Variants in TTC34 observed in about 807,000 individuals in gnomAD.
TTC34 encodes tetratricopeptide repeat protein 34.
In TTC34, 44 loss-of-function variants were observed where a neutral mutation model predicts 40.7. The observed-to-expected ratio is 1.08, with a 90% confidence interval of 0.85 to 1.39. The LOEUF (loss-of-function observed/expected upper bound fraction) is 1.39. Among genes scored for constraint, TTC34 ranks in the 40% most tolerant of loss-of-function variants. TTC34 has a pLI of 0.00. For synonymous variants in TTC34, 422 were observed against 398.6 expected (o/e 1.06, Z -0.70); for missense variants, 884 against 838.0 (o/e 1.05, Z -0.68).
chr1:2,651,650 C>G (rs2100212460), intron 6 of TTC34, among the ~76,000 whole-genome samples: 1 of 151,146 alleles, frequency 6.6e-6, no homozygotes, highest in East Asian at 2.0e-4. Context: ...ACCAGGAGGG[C>G]ATCTGACAGC....
intron 6 of TTC34, among the ~76,000 whole-genome samples, chr1:2,666,086 AC>A (rs1639641794): frequency 8.3e-5 from 8 of 96,516 alleles, no homozygotes; most frequent in Admixed American, 6.1e-4. Flanking sequence ...AACAGCACCC[AC>A]ACGCCCAGGT....
chr1:2,672,674 ACC>A (rs1639743506), intron 6 of TTC34, among the ~76,000 whole-genome samples: 1 of 7,296 alleles, frequency 1.4e-4, no homozygotes, highest in African/African-American at 4.9e-4. Flanking sequence ...GTGCCCACAC[ACC>A]CAGGCGAGCA....
intron 6 of TTC34, among the ~76,000 whole-genome samples, chr1:2,687,437 C>A (rs1433864424): frequency 6.8e-6 from 1 of 148,098 alleles, no homozygotes; most frequent in African/African-American, 2.6e-5. Context: ...TCTGGAGCAG[C>A]ACCCACAACC....
chr1:2,764,250 C>T (rs1279532174), intron 6 of TTC34, among the ~76,000 whole-genome samples: 16 of 150,452 alleles, frequency 1.1e-4, no homozygotes, highest in Non-Finnish European at 1.8e-4. Flanking sequence ...CAGCCTGGAG[C>T]AGCACGCACA....
At chr1:2,751,387 G>A (rs2100431122) in intron 6 of TTC34, among the ~76,000 whole-genome samples, 1 of 145,348 alleles carries the variant, frequency 6.9e-6, no homozygotes, top group African/African-American at 2.6e-5. Context: ...GCATCTGATG[G>A]TCTGGAGCAG....
chr1:2,772,891 C>A (rs1642476151), intron 6 of TTC34, among the ~76,000 whole-genome samples: 1 of 111,744 alleles, frequency 8.9e-6, no homozygotes. Flanking sequence ...GGAGCAGAAC[C>A]CCACACCCCC....
chr1:2,683,673 C>A (rs1269407324), intron 6 of TTC34, among the ~76,000 whole-genome samples: 74 of 149,082 alleles, frequency 5.0e-4, no homozygotes, highest in African/African-American at 1.7e-3. Context: ...GCACGCTGCA[C>A]CCCCAGGTGA....
chr1:2,692,451 G>A (rs374694122), intron 6 of TTC34, among the ~76,000 whole-genome samples: 44 of 20,542 alleles, frequency 2.1e-3, no homozygotes, highest in South Asian at 4.0e-3. Flanking sequence ...ACTGCCTGGA[G>A]CAGCACCCAC....
At chr1:2,691,521 G>T (rs1390195486) in intron 6 of TTC34, among the ~76,000 whole-genome samples, 1 of 56,748 alleles carries the variant, frequency 1.8e-5, no homozygotes, top group Non-Finnish European at 3.8e-5. Context: ...GAGCATCGGA[G>T]AGTCTGGAAC....
chr1:2,693,831 A>T (rs2100378306), intron 6 of TTC34, among the ~76,000 whole-genome samples: 2 of 144,094 alleles, frequency 1.4e-5, no homozygotes, highest in African/African-American at 5.2e-5. Context: ...CCACACCCAC[A>T]GGTGAGCATC....
At chr1:2,789,932 G>C in exon 3 of TTC34, 1 of 394,272 alleles carries the variant, frequency 2.5e-6, no homozygotes. Flanking sequence ...AGGGCGTGCG[G>C]GCCGCAGCAG....
intron 6 of TTC34, among the ~76,000 whole-genome samples, chr1:2,652,492 C>T (rs796194169): frequency 0.065 from 1,032 of 15,920 alleles, no homozygotes; most frequent in East Asian, 0.11. Flanking sequence ...CACCCCCAGG[C>T]GAGCATCTGA....
intron 6 of TTC34, among the ~76,000 whole-genome samples, chr1:2,688,753 C>T (rs112788031): frequency 2.7e-5 from 3 of 109,892 alleles, no homozygotes; most frequent in South Asian, 6.2e-4. Context: ...GATCTGACCG[C>T]CTGGAACAGC....
intron 3 of TTC34, among the ~76,000 whole-genome samples, chr1:2,789,123 T>G (rs1015779488): frequency 3.9e-5 from 6 of 152,228 alleles, no homozygotes; most frequent in Non-Finnish European, 8.8e-5. Context: ...ACCCCAGGAC[T>G]GCTGGAAGGA....
At position 2,682,140 on chromosome 1, in the gene TTC34, C is replaced by T. The variant is rs1640109692; in HGVS notation, c.2227-36577G>A. On this transcript the variant is annotated intron_variant, in intron 6 of 8. Transcript: ENST00000401095. ...GAGCATCTGACAGCCTGGAACAGCA[C>T]CCTGCACCCCCAGGTGAGCATCCGA... 4.1e-5 allele frequency among the ~76,000 whole-genome samples: 6 copies of T among 145,992 alleles called. 1 individual carries two copies. The highest frequency in any genetic ancestry group is 1.3e-4 in the African/African-American group (5 of 39,434).
intron 6 of TTC34, among the ~76,000 whole-genome samples, chr1:2,662,357 AC>A (rs1182786413): frequency 2.2e-5 from 2 of 92,692 alleles, no homozygotes; most frequent in Admixed American, 1.0e-4. Context: ...CAGCACCCAC[AC>A]CCCCAGTTGA....
chr1:2,786,678 G>A (rs1230294840), intron 4 of TTC34, among the ~76,000 whole-genome samples: 3 of 152,180 alleles, frequency 2.0e-5, no homozygotes, highest in Admixed American at 2.0e-4. Flanking sequence ...GCGCCAGGGA[G>A]TCCTTCAGAC....
At chr1:2,653,216 A>G (rs1478951924) in intron 6 of TTC34, among the ~76,000 whole-genome samples, 4,065 of 39,072 alleles carry the variant, frequency 0.1, no homozygotes, top group East Asian at 0.19. Flanking sequence ...CCCCCAGGTG[A>G]ACATCTGACA....
intron 6 of TTC34, among the ~76,000 whole-genome samples, chr1:2,686,316 C>T (rs571785249): frequency 5.3e-4 from 80 of 152,064 alleles, no homozygotes; most frequent in Non-Finnish European, 7.1e-4. Flanking sequence ...GAGCAGCACC[C>T]ACACCTCCAG....
Sources: allele counts gnomAD v4.1 joint callset (sites outside exome capture counted in the v4.1 genomes callset), GRCh38; gene constraint gnomAD v4.1.1; transcripts MANE v1.5; gene names NCBI Gene and HGNC (gene_info 2026-07-23, HGNC 2026-07-21).